The following MYB variants were observed in gnomAD, a reference collection of about 807,000 sequenced individuals.
MYB encodes MYB proto-oncogene, transcription factor, also known as transcriptional activator Myb.
In MYB, 28 loss-of-function variants were observed where a neutral mutation model predicts 92.9. The observed-to-expected ratio is 0.30, with a 90% confidence interval of 0.22 to 0.41. The LOEUF (loss-of-function observed/expected upper bound fraction) is 0.41, where lower values mean the gene tolerates loss of function less well. MYB is among the 10% of genes least tolerant of loss of function. The pLI, the probability that MYB is intolerant of heterozygous loss-of-function variation, is 1.00. For missense variants in MYB, 679 were observed against 929.3 expected, an observed-to-expected ratio of 0.73 and a Z score of 3.50; for synonymous variants, 295 against 329.1, an observed-to-expected ratio of 0.90 and a Z score of 1.12.
chr6:135,214,010 TATCCTTA>T (rs1780089737), intron 15 of MYB, among the ~76,000 whole-genome samples: 1 of 152,204 alleles, frequency 6.6e-6, no homozygotes, highest in Admixed American at 6.5e-5. Context: ...TGTAGTAGCT[TATCCTTA>T]ATCCTAACCC....
At chr6:135,184,288 A>G (rs1775598525) in intron 1 of MYB, among the ~76,000 whole-genome samples, 1 of 150,426 alleles carries the variant, frequency 6.6e-6, no homozygotes, top group Non-Finnish European at 1.5e-5. Context: ...TGAATCTTTC[A>G]AAAGATGCAG....
chr6:135,197,720 G>A (rs932466846), intron 10 of MYB, among the ~76,000 whole-genome samples: 14 of 152,076 alleles, frequency 9.2e-5, no homozygotes, highest in Non-Finnish European at 1.3e-4. Flanking sequence ...CAGGGGAGGA[G>A]GGAACCAAAT....
chr6:135,186,550 A>C (rs949834749), intron 2 of MYB, among the ~76,000 whole-genome samples: 2 of 152,256 alleles, frequency 1.3e-5, no homozygotes, highest in African/African-American at 4.8e-5. Flanking sequence ...TGTTCTCTCA[A>C]TAAGTGAATG....
rs939103981 is a variant in MYB, at chr6:135,190,720, G to A, written c.527+373G>A. Among the ~76,000 whole-genome samples the A allele has an allele frequency of 1.3e-5, 2 of 152,184 alleles. No homozygotes were observed. The highest frequency in any genetic ancestry group is 2.9e-5 in the Non-Finnish European group (2 of 68,020). ...AGACAGTTTGTCTCTGGCAGTTCAC[G>A]TAGCTGGTTAAGTTACTCAAAGGAA... On this transcript the variant is annotated intron_variant, in intron 5 of 15. Coordinates refer to ENST00000341911, the MANE Select transcript of MYB (RefSeq NM_001130173.2). The surrounding 1 kb of genome is among the most constrained non-coding windows in gnomAD (Gnocchi z 4.5).
At chr6:135,208,105 G>T (rs190342942) in intron 15 of MYB, among the ~76,000 whole-genome samples, 2 of 114,336 alleles carry the variant, frequency 1.7e-5, no homozygotes, top group Non-Finnish European at 3.7e-5. Context: ...TTGAGACAGC[G>T]TCTTGTTCTG....
In MYB at chr6:135,190,095, A is replaced by C. The variant is rs1475699585; in HGVS notation, c.307-32A>C. The C allele has an allele frequency of 6.2e-7, 1 of 1,602,050 alleles. No homozygotes were observed. Among genetic ancestry groups the C allele is most frequent in the Admixed American group, 1.7e-5 (1 of 59,572 alleles). On this transcript the variant is annotated intron_variant, in intron 4 of 15. Coordinates refer to ENST00000341911, the MANE Select transcript of MYB (RefSeq NM_001130173.2). The surrounding 1 kb of genome is among the most constrained non-coding windows in gnomAD (Gnocchi z 4.5). ...ATACTGACTCATTACATAACTTTAA[A>C]ACATAGGTTATTTTTGTGTGTTTAT...
At chr6:135,199,134 C>T in intron 11 of MYB, 84 bp downstream of exon 11, 1 of 1,121,542 alleles carries the variant, frequency 8.9e-7, no homozygotes, top group Middle Eastern at 2.3e-4. Flanking sequence ...ATGTCTGATC[C>T]ACTTGTATGT....
chr6:135,181,450 A>T lies in MYB; in HGVS notation c.-64A>T. On this transcript the variant is annotated 5_prime_UTR_variant, in exon 1 of 16. Transcript: ENST00000341911. The surrounding 1 kb of genome is among the most constrained non-coding windows in gnomAD (Gnocchi z 5.3). ...GGAGGGACGCAGGCAGGCGGCGGGC[A>T]GCGGGAGGCGGCAGCCCGGTGCGGT... is the stretch of plus-strand genomic sequence containing the variant. 9.3e-7 allele frequency: 1 copy of T among 1,079,552 alleles called. No homozygotes were observed. Among genetic ancestry groups the T allele is most frequent in the African/African-American group, 1.7e-5 (1 of 59,046 alleles). The allele number at this position is 1,079,552 out of a possible 1,614,324, so 66.9% of individuals were successfully genotyped here.
At chr6:135,193,077 C>T (rs1776832811) in intron 6 of MYB, among the ~76,000 whole-genome samples, 1 of 152,138 alleles carries the variant, frequency 6.6e-6, no homozygotes, top group Admixed American at 6.5e-5. Context: ...AAGTGTTTAC[C>T]TTCTTACTCT....
chr6:135,181,477 C>A lies in MYB; in HGVS notation c.-37C>A. 1 of 1,116,498 alleles carries A rather than the reference C, an allele frequency of 9.0e-7. No homozygotes were observed. Among genetic ancestry groups the A allele is most frequent in the Non-Finnish European group, 1.1e-6 (1 of 914,982 alleles). The allele number at this position is 1,116,498 out of a possible 1,614,324, so 69.2% of individuals were successfully genotyped here. A position where few individuals can be genotyped will look rare whatever the true frequency, so the allele number is the denominator to read the frequency against. Reference sequence around the variant, plus strand: ...CGGGAGGCGGCAGCCCGGTGCGGTCCCCGCGGCTCTCGGCGGAGCCCCGCG... The same window carrying A: ...CGGGAGGCGGCAGCCCGGTGCGGTCACCGCGGCTCTCGGCGGAGCCCCGCG... On this transcript the variant is annotated 5_prime_UTR_variant, in exon 1 of 16. Coordinates refer to ENST00000341911, the MANE Select transcript of MYB (RefSeq NM_001130173.2). This position sits in a 1 kb window ranked among gnomAD's most constrained non-coding sequence, Gnocchi z 5.3.
At position 135,206,225 on chromosome 6, in the gene MYB, AAAT is replaced by A. The variant is rs1269845019; in HGVS notation, c.2169+2923_2169+2925del. ...CATCTCAAAAAAAAAAAAAAAAAAA[AAAT>A]AATAATAATAATAATAATAATTAGC... On this transcript the variant is annotated intron_variant, in intron 15 of 15. Coordinates refer to ENST00000341911, the MANE Select transcript of MYB (RefSeq NM_001130173.2). Among the ~76,000 whole-genome samples the A allele has an allele frequency of 3.0e-3, 289 of 96,592 alleles. 12 individuals carry two copies. Among genetic ancestry groups the A allele is most frequent in the East Asian group, 5.7e-3 (21 of 3,666 alleles). The allele number at this position is 96,592 out of a possible 152,430, so 63.4% of individuals were successfully genotyped here.
chr6:135,203,015 T>A (rs906980447), intron 14 of MYB: 1 of 702,336 alleles, frequency 1.4e-6, no homozygotes, highest in Admixed American at 2.0e-5. Flanking sequence ...GTTGTGGTGA[T>A]GTTTGCCACA....
chr6:135,192,032 A>T (rs1270202342), intron 5 of MYB, among the ~76,000 whole-genome samples: 1 of 152,230 alleles, frequency 6.6e-6, no homozygotes, highest in East Asian at 1.9e-4. Context: ...CAGAATAAAC[A>T]TGAAGCGTTA....
At chr6:135,189,646 G>A in intron 3 of MYB, 145 bp from the exon 4 acceptor site, 1 of 623,272 alleles carries the variant, frequency 1.6e-6, no homozygotes, top group Non-Finnish European at 2.8e-6. Context: ...TGTAAGTAAT[G>A]AGGGATAGAT....
Position 135,196,972 on chromosome 6 carries a change from A to G in MYB, c.1215A>G (p.Ser405=). ...TLQFIDSDSS[S]WCDLSSFEFF... The stretch of plus-strand genomic sequence containing the variant: ...CCACATTGTTTCAGGATTCTTCATC[A>G]TGGTGTGATCTCAGCAGTTTTGAAT... The change falls in exon 10 of 16, where the codon TCA becomes TCG. Residue 405 remains serine (S), a synonymous_variant. Transcript: ENST00000341911. 6.2e-7 allele frequency: 1 copy of G among 1,612,956 alleles called. No homozygotes were observed. The highest frequency in any genetic ancestry group is 8.5e-7 in the Non-Finnish European group (1 of 1,179,448).
At chr6:135,206,407 A>T (rs954818827) in intron 15 of MYB, among the ~76,000 whole-genome samples, 36 of 150,262 alleles carry the variant, frequency 2.4e-4, no homozygotes, top group Non-Finnish European at 4.7e-4. Flanking sequence ...TCTAAAAAAA[A>T]TTTTTTAAGG....
intron 13 of MYB, among the ~76,000 whole-genome samples, chr6:135,200,943 G>A (rs937237353): frequency 6.6e-6 from 1 of 152,010 alleles, no homozygotes; most frequent in African/African-American, 2.4e-5. Flanking sequence ...GCTGGGTTTG[G>A]TGGCGGGCGC....
Position 135,192,449 on chromosome 6 carries a change from G to C in MYB, c.653G>C (p.Ser218Thr). Residue 218 changes from serine (S) to threonine (T), a missense_variant, in exon 6 of 16, where the codon AGT becomes ACT. By Grantham distance (58) the Ser-to-Thr change is moderately conservative. Coordinates refer to ENST00000341911, the MANE Select transcript of MYB (RefSeq NM_001130173.2). ...PAVATSFQKN[S>T]HLMGFAQAPP... is the part of the protein sequence containing the mutation. ...GTGGCCACAAGCTTCCAGAAGAACA[G>C]TCATTTGATGGGTTTTGCTCAGGCT... The C allele has an allele frequency of 6.2e-7, 1 of 1,614,250 alleles. No homozygotes were observed. The highest frequency in any genetic ancestry group is 8.5e-7 in the Non-Finnish European group (1 of 1,180,048).
intron 8 of MYB, 133 bp downstream of exon 8, chr6:135,194,593 TG>T: frequency 1.5e-6 from 1 of 655,078 alleles, no homozygotes; most frequent in Non-Finnish European, 2.6e-6. Context: ...CACAAGAAGT[TG>T]CTTGTAGTAA....
Sources: allele counts gnomAD v4.1 joint callset (sites outside exome capture counted in the v4.1 genomes callset), GRCh38; gene constraint gnomAD v4.1.1; non-coding constraint Gnocchi (gnomAD v3.1); transcripts MANE v1.5; gene names NCBI Gene and HGNC (gene_info 2026-07-23, HGNC 2026-07-21).